The following ZNF232 variants were observed in gnomAD, a reference collection of about 807,000 sequenced individuals.
The protein encoded by ZNF232 is zinc finger protein 232, also known as zinc finger and SCAN domain-containing protein 11.
Under a neutral mutation model 25.2 loss-of-function variants are expected in ZNF232, and 25 were observed. The observed-to-expected ratio is 0.99, with a 90% CI of 0.72 to 1.39. ZNF232 has a LOEUF of 1.39. Among genes scored for constraint, ZNF232 ranks in the 40% most tolerant of loss-of-function variants. The pLI, the probability that ZNF232 is intolerant of heterozygous loss-of-function variation, is 0.00. For missense variants in ZNF232, 519 were observed against 520.9 expected (o/e 1.00, Z 0.04); for synonymous variants, 193 against 182.9 (o/e 1.06, Z -0.45).
At chr17:5,109,237 G>T in intron 2 of ZNF232, 157 bp downstream of exon 2, 2 of 1,231,616 alleles carry the variant, frequency 1.6e-6, no homozygotes, top group Non-Finnish European at 2.3e-6. Flanking sequence ...CTCATTCAGG[G>T]CTCGAGGGCA....
chr17:5,113,000 T>A (rs191279726), upstream of ZNF232, among the ~76,000 whole-genome samples: 91 of 152,292 alleles, frequency 6.0e-4, no homozygotes, highest in African/African-American at 2.1e-3. Context: ...TCACTATCAA[T>A]TTTGCAGGAT....
At chr17:5,113,282 C>T (rs2072460865), upstream of ZNF232, 1 of 152,230 alleles carries the variant, frequency 6.6e-6, no homozygotes, top group Non-Finnish European at 1.5e-5. Context: ...TGAATGTCTA[C>T]TACGTGTCTA....
chr17:5,106,117 GACCGAGGT>G lies in ZNF232; in HGVS notation c.1007_1014del (p.Asn336ThrfsTer15). On this transcript the variant is annotated frameshift_variant, in exon 4 of 4. Coordinates refer to ENST00000575898, the Ensembl canonical transcript of ZNF232. LOFTEE classifies it low-confidence loss of function (END_TRUNC). The stretch of plus-strand genomic sequence containing the variant: ...TCTCCTGTATGAATTCTCTGATGCT[GACCGAGGT>G]TTGAGCTCTGTTTGAAAGTTTTCCC... The G allele has an allele frequency of 6.2e-7, 1 of 1,614,148 alleles. No individual in the cohort carries two copies. The highest frequency in any genetic ancestry group is 8.5e-7 in the Non-Finnish European group (1 of 1,180,034).
upstream of ZNF232, chr17:5,115,084 T>C (rs1222419700): frequency 6.6e-6 from 1 of 150,882 alleles, no homozygotes; most frequent in East Asian, 2.0e-4. Context: ...GCGGGGACTT[T>C]AGGTAGAAGG....
intron 1 of ZNF232, 187 bp downstream of exon 1, chr17:5,111,613 C>T: frequency 1.2e-6 from 1 of 803,806 alleles, no homozygotes; most frequent in South Asian, 1.7e-5. Flanking sequence ...AGACCCCCCT[C>T]CACGGCACGT....
chr17:5,120,505 A>C lies in ZNF232; in HGVS notation c.-530+2472T>G, dbSNP rs1182976535. 4 of 333,296 alleles carry C rather than the reference A, an allele frequency of 1.2e-5. No individual in the cohort carries two copies. In the Admixed American group the frequency reaches 1.7e-4, roughly 14 times the overall value. The allele number at this position is 333,296 out of a possible 1,614,324, so 20.6% of individuals were successfully genotyped here. ...CTTCAGGGTGAGGAGCTGTTGGCCT[A>C]TCTGTGTCTGTCTGTCTGTCTGTCT... On this transcript the variant is annotated intron_variant, in intron 1 of 4. Coordinates refer to the ZNF232 transcript ENST00000250076.
intron 1 of ZNF232, among the ~76,000 whole-genome samples, chr17:5,120,273 G>T (rs1167496345): frequency 6.6e-6 from 1 of 152,088 alleles, no homozygotes; most frequent in Non-Finnish European, 1.5e-5. Flanking sequence ...GTTGGTGGTG[G>T]GGGCAAGGCA....
intron 2 of ZNF232, 119 bp from the exon 3 acceptor site, chr17:5,109,171 T>TA: frequency 1.4e-6 from 2 of 1,455,180 alleles, no homozygotes; most frequent in Non-Finnish European, 1.9e-6. Flanking sequence ...CCAAGGAGAC[T>TA]TTAGAGAGCC....
upstream of ZNF232, chr17:5,112,162 T>C: frequency 2.4e-6 from 1 of 419,972 alleles, no homozygotes; most frequent in Non-Finnish European, 4.3e-6. Flanking sequence ...TCTTGTGGAA[T>C]TGTACCTGAA....
At chr17:5,117,914 C>T (rs1006287680) in intron 1 of ZNF232, among the ~76,000 whole-genome samples, 1 of 152,012 alleles carries the variant, frequency 6.6e-6, no homozygotes, top group Non-Finnish European at 1.5e-5. Context: ...ATGGTGTTAG[C>T]TGGGTGTACT....
chr17:5,106,240 C>A lies in ZNF232; in HGVS notation c.892G>T (p.Glu298Ter). Residue 298 changes from glutamate to a stop codon, truncating the protein, a stop_gained, in exon 4 of 4, where the codon GAA becomes TAA. Coordinates refer to ENST00000575898, the Ensembl canonical transcript of ZNF232. LOFTEE classifies it low-confidence loss of function (END_TRUNC). ...TTATAAATGAAGGTTTTACCACATTCACTACATTCATGGTCTTTCTTCCCT... is the reference window on the plus strand; with the variant it reads ...TTATAAATGAAGGTTTTACCACATTAACTACATTCATGGTCTTTCTTCCCT... The A allele has an allele frequency of 6.2e-7, 1 of 1,614,246 alleles. No individual in the cohort carries two copies. Among genetic ancestry groups the A allele is most frequent in the Non-Finnish European group, 8.5e-7 (1 of 1,180,046 alleles).
intron 1 of ZNF232, among the ~76,000 whole-genome samples, chr17:5,119,451 T>C (rs896084010): frequency 2.0e-5 from 3 of 152,190 alleles, no homozygotes; most frequent in Admixed American, 6.5e-5. Context: ...CAGCCCCCAC[T>C]AAAGTGAGGT....
At chr17:5,108,152 G>T (rs975677034) in intron 3 of ZNF232, among the ~76,000 whole-genome samples, 5 of 150,288 alleles carry the variant, frequency 3.3e-5, no homozygotes, top group Non-Finnish European at 7.4e-5. Flanking sequence ...CAAATGCCTT[G>T]GTTTGGTGAT....
intron 1 of ZNF232, chr17:5,120,494 G>A: frequency 3.1e-6 from 1 of 325,696 alleles, no homozygotes; most frequent in Non-Finnish European, 6.0e-6. Flanking sequence ...AGGGTGAGGA[G>A]CTGTTGGCCT....
chr17:5,113,198 T>A (rs2143643088), upstream of ZNF232, among the ~76,000 whole-genome samples: 1 of 152,342 alleles, frequency 6.6e-6, no homozygotes, highest in East Asian at 1.9e-4. Flanking sequence ...GGGGATATAT[T>A]ATCTTTTTTC....
chr17:5,115,464 C>G (rs573536118), upstream of ZNF232, among the ~76,000 whole-genome samples: 1 of 151,878 alleles, frequency 6.6e-6, no homozygotes, highest in Non-Finnish European at 1.5e-5. Flanking sequence ...GGCGGGACAA[C>G]AGCTTTAACC....
intron 1 of ZNF232, among the ~76,000 whole-genome samples, chr17:5,121,173 C>T (rs977128154): frequency 7.9e-5 from 12 of 152,148 alleles, no homozygotes; most frequent in African/African-American, 2.7e-4. Context: ...TGCCGCAGTT[C>T]GGTAGGGGTA....
chr17:5,122,889 G>C (rs984174201), intron 1 of ZNF232: 1 of 152,352 alleles, frequency 6.6e-6, no homozygotes, highest in Non-Finnish European at 1.5e-5. Flanking sequence ...GCGACGACGC[G>C]AGGGGGAGGG....
At chr17:5,114,067 A>G (rs1020519684), upstream of ZNF232, 1 of 152,194 alleles carries the variant, frequency 6.6e-6, no homozygotes, top group Non-Finnish European at 1.5e-5. Flanking sequence ...TAGGAAGCTT[A>G]CAATTTTCCA....
Sources: allele counts gnomAD v4.1 joint callset (sites outside exome capture counted in the v4.1 genomes callset), GRCh38; gene constraint gnomAD v4.1.1; transcripts MANE v1.5; gene names NCBI Gene and HGNC (gene_info 2026-07-23, HGNC 2026-07-21).